RABGAP1L: variants seen among roughly 807,000 people sequenced by gnomAD.
RABGAP1L encodes RAB GTPase activating protein 1 like, also known as rab GTPase-activating protein 1-like.
Under a neutral mutation model 137.7 loss-of-function variants are expected in RABGAP1L, and 63 were observed. The observed-to-expected ratio is 0.46, with a 90% CI of 0.37 to 0.56. The LOEUF (loss-of-function observed/expected upper bound fraction) is 0.56, where lower values mean the gene tolerates loss of function less well. RABGAP1L is among the 20% of genes least tolerant of loss of function. The pLI, the probability that RABGAP1L is intolerant of heterozygous loss-of-function variation, is 0.00. For missense variants in RABGAP1L, 1,095 were observed against 1,244.0 expected, an observed-to-expected ratio of 0.88 and a Z score of 1.80; for synonymous variants, 431 against 433.7, an observed-to-expected ratio of 0.99 and a Z score of 0.08.
intron 15 of RABGAP1L, among the ~76,000 whole-genome samples, chr1:174,691,021 G>A (rs752625575): frequency 1.8e-4 from 27 of 151,916 alleles, no homozygotes; most frequent in Non-Finnish European, 2.9e-4. Flanking sequence ...TAGTAGAGAT[G>A]ATGTTTCACC....
chr1:174,812,037 T>TA, intron 19 of RABGAP1L, 77 bp downstream of exon 19: 1 of 1,332,100 alleles, frequency 7.5e-7, no homozygotes, highest in Non-Finnish European at 1.0e-6. Flanking sequence ...AAAAATTTTT[T>TA]TATATGTTGC....
At chr1:174,166,143 T>G (rs1664890034) in intron 1 of RABGAP1L, among the ~76,000 whole-genome samples, 1 of 152,084 alleles carries the variant, frequency 6.6e-6, no homozygotes, top group Admixed American at 6.6e-5. Context: ...AAGGGAAAAA[T>G]TATTAGTGTT....
intron 19 of RABGAP1L, among the ~76,000 whole-genome samples, chr1:174,860,614 G>A (rs886658656): frequency 3.3e-5 from 5 of 151,840 alleles, no homozygotes; most frequent in Admixed American, 1.3e-4. Flanking sequence ...TTTTCCCTTC[G>A]GTTATTTGCC....
intron 13 of RABGAP1L, among the ~76,000 whole-genome samples, chr1:174,433,369 A>G (rs76587365): frequency 0.011 from 1,657 of 152,282 alleles, 31 homozygotes; most frequent in African/African-American, 0.038. Context: ...TACTGTTTTG[A>G]CCTATTAATT....
At chr1:174,355,821 G>A (rs969008643) in intron 11 of RABGAP1L, among the ~76,000 whole-genome samples, 1 of 152,082 alleles carries the variant, frequency 6.6e-6, no homozygotes, top group African/African-American at 2.4e-5. Context: ...CAGTGATGAT[G>A]CTTAAGTTGG....
chr1:174,163,370 T>G (rs895306031), intron 1 of RABGAP1L, among the ~76,000 whole-genome samples: 2 of 152,212 alleles, frequency 1.3e-5, no homozygotes, highest in Non-Finnish European at 2.9e-5. Context: ...ATTGCTCTTA[T>G]TCAACAGATG....
chr1:174,478,346 C>T (rs1324185670), intron 13 of RABGAP1L, among the ~76,000 whole-genome samples: 2 of 151,954 alleles, frequency 1.3e-5, no homozygotes, highest in Non-Finnish European at 2.9e-5. Context: ...TCATAGCTCA[C>T]TGTAACCTTG....
At chr1:174,815,111 C>T (rs999489829) in intron 19 of RABGAP1L, among the ~76,000 whole-genome samples, 2 of 152,158 alleles carry the variant, frequency 1.3e-5, no homozygotes, top group African/African-American at 2.4e-5. Context: ...TGAAAAAACA[C>T]TAAGACCTAT....
chr1:174,299,736 G>C (rs1677483951), intron 10 of RABGAP1L, among the ~76,000 whole-genome samples: 1 of 152,214 alleles, frequency 6.6e-6, no homozygotes, highest in Admixed American at 6.5e-5. Flanking sequence ...TTGGCTTTCT[G>C]AGTTCAGTGC....
At chr1:174,892,099 C>A (rs1275992936) in intron 19 of RABGAP1L, among the ~76,000 whole-genome samples, 1 of 152,250 alleles carries the variant, frequency 6.6e-6, no homozygotes, top group African/African-American at 2.4e-5. Flanking sequence ...GACTACACCT[C>A]CAACCGGCCT....
intron 11 of RABGAP1L, among the ~76,000 whole-genome samples, chr1:174,353,850 C>T (rs1683394541): frequency 6.6e-6 from 1 of 152,198 alleles, no homozygotes; most frequent in African/African-American, 2.4e-5. Context: ...TGCAGTGCCT[C>T]TTTCTTTGAT....
chr1:174,905,869 GAAAAA>G (rs1389667385), intron 19 of RABGAP1L, among the ~76,000 whole-genome samples: 1 of 150,610 alleles, frequency 6.6e-6, no homozygotes, highest in Non-Finnish European at 1.5e-5. Context: ...AAAAGAAAAA[GAAAAA>G]AGAAAATACA....
intron 1 of RABGAP1L, among the ~76,000 whole-genome samples, chr1:174,202,901 A>C (rs1171520151): frequency 1.3e-5 from 2 of 152,118 alleles, no homozygotes; most frequent in African/African-American, 4.8e-5. Flanking sequence ...CCATTTATTA[A>C]ATAGGGAATC....
chr1:174,559,328 G>T (rs1031151869), intron 13 of RABGAP1L, among the ~76,000 whole-genome samples: 5 of 152,136 alleles, frequency 3.3e-5, no homozygotes, highest in African/African-American at 1.2e-4. Context: ...ATAAAAATAT[G>T]TATATACACA....
In RABGAP1L at chr1:174,378,300, G is replaced by C. The variant is rs1170493019; in HGVS notation, c.1559+7228G>C. 6.5e-4 allele frequency among the ~76,000 whole-genome samples: 97 copies of C among 150,098 alleles called. 1 individual carries two copies. The highest frequency in any genetic ancestry group is 8.6e-4 in the Admixed American group (13 of 15,062). On this transcript the variant is annotated intron_variant, in intron 12 of 25. Coordinates refer to ENST00000681986, the MANE Select transcript of RABGAP1L (RefSeq NM_001366446.1). ...ATTTATAGTCCTTTGGGTATATACC[G>C]AGTAATGGGATGGCTGGGTCAAATG...
At chr1:174,277,532 A>G (rs1179906652) in intron 9 of RABGAP1L, among the ~76,000 whole-genome samples, 3 of 151,502 alleles carry the variant, frequency 2.0e-5, no homozygotes, top group African/African-American at 7.3e-5. Flanking sequence ...ATATAATAGT[A>G]TATTATAATA....
At chr1:174,561,457 T>C (rs1036239786) in intron 13 of RABGAP1L, among the ~76,000 whole-genome samples, 2 of 152,076 alleles carry the variant, frequency 1.3e-5, no homozygotes, top group Non-Finnish European at 2.9e-5. Flanking sequence ...AGATTCAATG[T>C]TATCCCCATC....
At chr1:174,551,250 A>C (rs1448773288) in intron 13 of RABGAP1L, among the ~76,000 whole-genome samples, 2 of 151,506 alleles carry the variant, frequency 1.3e-5, no homozygotes, top group East Asian at 3.9e-4. Flanking sequence ...TCTACCCAAC[A>C]AGAGTAGAAT....
rs1671825753 is a variant in RABGAP1L at position 174,988,776 on chromosome 1, G to A, written c.2941G>A (p.Glu981Lys). 6.5e-7 allele frequency: 1 copy of A among 1,550,164 alleles called. No homozygotes were observed. Among genetic ancestry groups the A allele is most frequent in the Admixed American group, 2.0e-5 (1 of 50,884 alleles). The change falls in exon 25 of 26, where the codon GAG (glutamate) becomes AAG (lysine). Residue 981 changes from glutamate (E) to lysine (K), a missense_variant. By Grantham distance (56) the Glu-to-Lys change is moderately conservative (BLOSUM62 1). This residue lies in a region of RABGAP1L where 312 missense variants were observed against 435.6 expected (regional missense o/e 0.72). Transcript: ENST00000681986. ...GGACTCACTTAAGAAGCAGCTGAGAGAGATGGAACTGGAACTGGCACAAAC... is the reference window on the plus strand; with the variant it reads ...GGACTCACTTAAGAAGCAGCTGAGAAAGATGGAACTGGAACTGGCACAAAC... ...EKDSLKKQLR[E>K]MELELAQTKL...
Sources: allele counts gnomAD v4.1 joint callset (sites outside exome capture counted in the v4.1 genomes callset), GRCh38; gene constraint gnomAD v4.1.1; regional missense constraint gnomAD v4.1.1; transcripts MANE v1.5; gene names NCBI Gene and HGNC (gene_info 2026-07-23, HGNC 2026-07-21).